Variants in ANKRD13B observed in about 807,000 individuals in gnomAD.
ANKRD13B encodes the protein ankyrin repeat domain-containing protein 13B.
Under a neutral mutation model 74.4 loss-of-function variants are expected in ANKRD13B, and 33 were observed. The ratio of observed to expected loss-of-function variants is 0.44; its 90% CI spans 0.34 to 0.59. The LOEUF (loss-of-function observed/expected upper bound fraction) is 0.59. ANKRD13B is among the 20% of genes least tolerant of loss of function. The pLI, the probability that ANKRD13B is intolerant of heterozygous loss-of-function variation, is 0.02. For missense variants in ANKRD13B, 676 were observed against 877.9 expected, an observed-to-expected ratio of 0.77 and a Z score of 2.91; for synonymous variants, 341 against 362.9, an observed-to-expected ratio of 0.94 and a Z score of 0.68.
At chr17:29,607,648 G>A (rs376855975) in intron 1 of ANKRD13B, 94 bp from the exon 2 acceptor site, 4 of 1,492,546 alleles carry the variant, frequency 2.7e-6, no homozygotes, top group Non-Finnish European at 8.9e-7. Flanking sequence ...CCAGCAGGGG[G>A]TGGGGGTTGC....
intron 1 of ANKRD13B, among the ~76,000 whole-genome samples, chr17:29,599,865 GTTTTTTTTTTT>G (rs35600194): frequency 0.017 from 883 of 50,746 alleles, 11 homozygotes; most frequent in African/African-American, 0.062. Context: ...CATCTAATTT[GTTTTTTTTTTT>G]TTTTTTTTTT....
At position 29,593,697 on chromosome 17, in the gene ANKRD13B, C is replaced by A; in HGVS notation, c.76C>A (p.Arg26Ser). Residue 26 changes from arginine to serine, a missense_variant, in exon 1 of 15, where the codon CGC becomes AGC. Transcript: ENST00000394859. ...GCTGCACTACCTCGTGTGGCACAAC[C>A]GCCACCGCGAGCTGGAGAAGGAGGT... ...YPLHYLVWHN[R>S]HRELEKEVRA... 1 of 1,441,260 alleles carries A rather than the reference C, an allele frequency of 6.9e-7. No individual in the cohort carries two copies. The highest frequency in any genetic ancestry group is 9.2e-7 in the Non-Finnish European group (1 of 1,088,208). The allele number at this position is 1,441,260 out of a possible 1,614,324, so 89.3% of individuals were successfully genotyped here.
At chr17:29,613,120 G>T in intron 14 of ANKRD13B, 157 bp downstream of exon 14, 1 of 1,201,782 alleles carries the variant, frequency 8.3e-7, no homozygotes, top group Non-Finnish European at 1.2e-6. Flanking sequence ...GCAGGCAGGG[G>T]TCAGGGATCC....
In ANKRD13B at chr17:29,611,582, G is replaced by C; in HGVS notation, c.908G>C (p.Cys303Ser). Residue 303 changes from cysteine to serine, a missense_variant, in exon 9 of 15, where the codon TGT becomes TCT. Physicochemically the swap from Cys to Ser is moderately radical, Grantham distance 112 (BLOSUM62 -1). Coordinates refer to ENST00000394859, the MANE Select transcript of ANKRD13B (RefSeq NM_152345.5). This position sits in a 1 kb window ranked among gnomAD's most constrained non-coding sequence, Gnocchi z 4.3. Reference protein sequence around the residue: ...SEQHKGKVKGCKTPLQSFLGI... With the variant: ...SEQHKGKVKGSKTPLQSFLGI... ...TGAGATGCCACATTTCTTGTAGGCTGTAAGACACCTTTGCAGTCCTTCCTG... is the reference window on the plus strand; with the variant it reads ...TGAGATGCCACATTTCTTGTAGGCTCTAAGACACCTTTGCAGTCCTTCCTG... 1 of 1,614,208 alleles carries C rather than the reference G, an allele frequency of 6.2e-7. No individual in the cohort carries two copies. The highest frequency in any genetic ancestry group is 8.5e-7 in the Non-Finnish European group (1 of 1,180,016).
In ANKRD13B at chr17:29,608,820, C is replaced by A; in HGVS notation, c.422-31C>A. 1 of 1,613,588 alleles carries A rather than the reference C, an allele frequency of 6.2e-7. No individual in the cohort carries two copies. The highest frequency in any genetic ancestry group is 1.1e-5 in the South Asian group (1 of 91,026). On this transcript the variant is annotated intron_variant, in intron 4 of 14. Transcript: ENST00000394859. The surrounding 1 kb of genome is among the most constrained non-coding windows in gnomAD (Gnocchi z 6.4). ...TCCAGGCCGTGTAGGCCAGACCAGT[C>A]AAAGCCACCTCCAACCTCCGCTTCC...
chr17:29,600,149 T>G (rs1261334153), intron 1 of ANKRD13B, among the ~76,000 whole-genome samples: 2 of 152,210 alleles, frequency 1.3e-5, no homozygotes, highest in African/African-American at 2.4e-5. Flanking sequence ...GAGCTGGGAT[T>G]ACAGGCGTGA....
Position 29,593,616 on chromosome 17 carries a change from C to A in ANKRD13B, c.-6C>A. 7.5e-7 allele frequency: 1 copy of A among 1,336,860 alleles called. No individual in the cohort carries two copies. Among genetic ancestry groups the A allele is most frequent in the African/African-American group, 1.5e-5 (1 of 65,302 alleles). 82.8% of individuals were successfully genotyped at this position (1,336,860 alleles called of 1,614,324 possible). On this transcript the variant is annotated 5_prime_UTR_variant, in exon 1 of 15. Coordinates refer to ENST00000394859, the MANE Select transcript of ANKRD13B (RefSeq NM_152345.5). ...GGCGCCGCGGCCCCGGCATGAGGAG[C>A]GGGCGATGATCCCCGCCAACGCCTC...
rs1057054725 is a variant in ANKRD13B, at chr17:29,608,904, G to A, written c.475G>A (p.Gly159Ser). Reference protein sequence around the residue: ...PSDTYKVWKSGQNLRVDTTLL... With the variant: ...PSDTYKVWKSSQNLRVDTTLL... ...TGACACCTACAAAGTGTGGAAGAGC[G>A]GCCAGAACCTGAGGGTAGACACCAC... Residue 159 changes from glycine to serine, a missense_variant, in exon 5 of 15, where the codon GGC becomes AGC. Coordinates refer to ENST00000394859, the MANE Select transcript of ANKRD13B (RefSeq NM_152345.5). The surrounding 1 kb of genome is among the most constrained non-coding windows in gnomAD (Gnocchi z 6.4). 6.2e-7 allele frequency: 1 copy of A among 1,614,128 alleles called. No individual in the cohort carries two copies. Among genetic ancestry groups the A allele is most frequent in the South Asian group, 1.1e-5 (1 of 91,090 alleles).
rs955554275 is a variant in ANKRD13B, at chr17:29,608,476, T to C, written c.421+236T>C. 1.3e-5 allele frequency among the ~76,000 whole-genome samples: 2 copies of C among 152,232 alleles called. No individual in the cohort carries two copies. The highest frequency in any genetic ancestry group is 2.4e-5 in the African/African-American group (1 of 41,460). ...TACTGTATTCATGACCTGCCGCTCC[T>C]TGTTAGAAGGTAAGCTCTGAGAGGG... On this transcript the variant is annotated intron_variant, in intron 4 of 14. Coordinates refer to ENST00000394859, the MANE Select transcript of ANKRD13B (RefSeq NM_152345.5). This position sits in a 1 kb window ranked among gnomAD's most constrained non-coding sequence, Gnocchi z 6.4.
At chr17:29,599,825 GCATCAAGAGAATTT>G (rs1012160853) in intron 1 of ANKRD13B, among the ~76,000 whole-genome samples, 36 of 135,240 alleles carry the variant, frequency 2.7e-4, no homozygotes, top group African/African-American at 1.0e-3. Context: ...TTTATTCCCT[GCATCAAGAGAATTT>G]CCTCTGGGTT....
rs1598616718 is a variant in ANKRD13B, at chr17:29,611,488, C to T, written c.905-91C>T. On this transcript the variant is annotated intron_variant, in intron 8 of 14. Coordinates refer to ENST00000394859, the MANE Select transcript of ANKRD13B (RefSeq NM_152345.5). The surrounding 1 kb of genome is among the most constrained non-coding windows in gnomAD (Gnocchi z 4.3). Reference sequence around the variant, plus strand: ...CAGGCCCCACCCCAGGAACCGGCCTCCTCCCTAGGTCTTGGGTGCTGTCAC... The same window carrying T: ...CAGGCCCCACCCCAGGAACCGGCCTTCTCCCTAGGTCTTGGGTGCTGTCAC... The T allele has an allele frequency of 4.3e-6, 6 of 1,394,854 alleles. No homozygotes were observed. The highest frequency in any genetic ancestry group is 6.1e-6 in the Non-Finnish European group (6 of 985,108). 86.4% of individuals were successfully genotyped at this position (1,394,854 alleles called of 1,614,324 possible). A position where few individuals can be genotyped will look rare whatever the true frequency, so the allele number is the denominator to read the frequency against.
At position 29,612,226 on chromosome 17, in the gene ANKRD13B, G is replaced by A. The variant is rs1483555738; in HGVS notation, c.1211G>A (p.Arg404Gln). ...AGCAATGCGCTTTTTGCCAAGCTCCGGGACTTCATCACCCTGCGTCTGCCT... is the reference window on the plus strand; with the variant it reads ...AGCAATGCGCTTTTTGCCAAGCTCCAGGACTTCATCACCCTGCGTCTGCCT... ...AVSNALFAKL[R>Q]DFITLRLPPG... Residue 404 changes from arginine (R) to glutamine (Q), a missense_variant, in exon 11 of 15, where the codon CGG becomes CAG. By Grantham distance (43) the Arg-to-Gln change is conservative. Coordinates refer to ENST00000394859, the MANE Select transcript of ANKRD13B (RefSeq NM_152345.5). This position sits in a 1 kb window ranked among gnomAD's most constrained non-coding sequence, Gnocchi z 6.1. 1 of 1,614,030 alleles carries A rather than the reference G, an allele frequency of 6.2e-7. No homozygotes were observed.
At position 29,610,498 on chromosome 17, in the gene ANKRD13B, A is replaced by G. The variant is rs1469400552; in HGVS notation, c.823-187A>G. On this transcript the variant is annotated intron_variant, in intron 7 of 14. Transcript: ENST00000394859. ...GCCTGGCACATAAAGGCTCCTCAAA[A>G]AATGTTTGTTGAATGAATAAGTGAA... Among the ~76,000 whole-genome samples the G allele has an allele frequency of 7.9e-5, 12 of 152,224 alleles. 1 individual carries two copies. In the East Asian group the frequency reaches 1.9e-3, roughly 24 times the overall value.
At position 29,609,051 on chromosome 17, in the gene ANKRD13B, C is replaced by G. The variant is rs372774044; in HGVS notation, c.566-35C>G. ...GACGATGGGAGGCAGCCCCAGGCCA[C>G]CCCTGATCCCCCTGTGCTGTTCCGT... is the stretch of plus-strand genomic sequence containing the variant. On this transcript the variant is annotated intron_variant, in intron 5 of 14. Coordinates refer to ENST00000394859, the MANE Select transcript of ANKRD13B (RefSeq NM_152345.5). The surrounding 1 kb of genome is among the most constrained non-coding windows in gnomAD (Gnocchi z 4.0). 4.1e-5 allele frequency: 66 copies of G among 1,612,214 alleles called. No individual in the cohort carries two copies. Among genetic ancestry groups the G allele is most frequent in the Non-Finnish European group, 5.3e-5 (63 of 1,179,934 alleles).
intron 1 of ANKRD13B, 167 bp downstream of exon 1, chr17:29,593,902 C>G (rs1196525847): frequency 1.4e-5 from 5 of 356,730 alleles, no homozygotes; most frequent in Non-Finnish European, 2.0e-5. Flanking sequence ...GTGATCCCCT[C>G]CGGCCGGGAC....
Position 29,612,929 on chromosome 17 carries a change from C to T in ANKRD13B, c.1618C>T (p.His540Tyr), listed in dbSNP as rs764270322. The change falls in exon 14 of 15, where the codon CAC becomes TAC. Residue 540 changes from histidine (H) to tyrosine (Y), a missense_variant. Coordinates refer to ENST00000394859, the MANE Select transcript of ANKRD13B (RefSeq NM_152345.5). This position sits in a 1 kb window ranked among gnomAD's most constrained non-coding sequence, Gnocchi z 6.1. ...EALTNSKPGT[H>Y]PMSYEGRRQD... ...GCTAACCAACAGCAAGCCAGGCACCCACCCCATGTCCTACGAGGGTCGCCG... is the reference window on the plus strand; with the variant it reads ...GCTAACCAACAGCAAGCCAGGCACCTACCCCATGTCCTACGAGGGTCGCCG... 5 of 1,598,408 alleles carry T rather than the reference C, an allele frequency of 3.1e-6. No homozygotes were observed. Among genetic ancestry groups the T allele is most frequent in the Non-Finnish European group, 4.2e-6 (5 of 1,179,742 alleles).
Position 29,612,560 on chromosome 17 carries a change from GC to G in ANKRD13B, c.1411+12del, listed in dbSNP as rs775434350. The G allele has an allele frequency of 3.4e-6, 4 of 1,183,988 alleles. No individual in the cohort carries two copies. Among genetic ancestry groups the G allele is most frequent in the Non-Finnish European group, 3.2e-6 (3 of 926,652 alleles). The allele number at this position is 1,183,988 out of a possible 1,614,324, so 73.3% of individuals were successfully genotyped here. A position where few individuals can be genotyped will look rare whatever the true frequency, so the allele number is the denominator to read the frequency against. ...CAGCAGCTCCAGCTCCACGAGTGAGGCCCCCCGCGAGAACGCCTGCCCCTCG... is the reference window on the plus strand; with the variant it reads ...CAGCAGCTCCAGCTCCACGAGTGAGGCCCCCGCGAGAACGCCTGCCCCTCG... On this transcript the variant is annotated splice_region_variant and intron_variant, in intron 12 of 14. Transcript: ENST00000394859. This position sits in a 1 kb window ranked among gnomAD's most constrained non-coding sequence, Gnocchi z 6.1.
rs35600194 is a variant in ANKRD13B, at chr17:29,599,865, GTTTTTTTTTTTTTTT to G, written c.114+6145_114+6159del. Among the ~76,000 whole-genome samples, 10 of 50,772 alleles carry G rather than the reference GTTTTTTTTTTTTTTT, an allele frequency of 2.0e-4. No individual in the cohort carries two copies. The South Asian group carries it at 2.5e-3, about 13-fold the overall frequency. The allele number at this position is 50,772 out of a possible 152,430, so 33.3% of individuals were successfully genotyped here. On this transcript the variant is annotated intron_variant, in intron 1 of 14. Transcript: ENST00000394859. ...CCTCTGGGTTCTTAGCATCTAATTT[GTTTTTTTTTTTTTTT>G]TTTTTTTTTTTTTTGATACGGAGTC...
intron 1 of ANKRD13B, among the ~76,000 whole-genome samples, chr17:29,594,421 C>T (rs1184154125): frequency 6.6e-6 from 1 of 152,334 alleles, no homozygotes; most frequent in Non-Finnish European, 1.5e-5. Context: ...GTTCTGCGCA[C>T]CAGGTGGGCT....
Sources: gnomAD v4.1 joint callset for allele counts (sites outside exome capture counted in the v4.1 genomes callset) on GRCh38, gnomAD v4.1.1 for gene constraint, Gnocchi (gnomAD v3.1) non-coding constraint, MANE v1.5 for transcripts, NCBI Gene and HGNC (gene_info 2026-07-23, HGNC 2026-07-21) for gene names.